SPATA9: variants seen among roughly 807,000 people sequenced by gnomAD.
SPATA9 encodes the protein spermatogenesis-associated protein 9.
Under a neutral mutation model 25.5 loss-of-function variants are expected in SPATA9, and 27 were observed. The observed-to-expected ratio is 1.06, with a 90% confidence interval of 0.78 to 1.46. SPATA9 has a LOEUF of 1.46. Among genes scored for constraint, SPATA9 ranks in the 40% most tolerant of loss-of-function variants. The pLI is 0.00. For missense variants in SPATA9, 282 were observed against 297.5 expected (o/e 0.95, Z 0.38); for synonymous variants, 102 against 105.7 (o/e 0.97, Z 0.21).
the SPATA9 span, among the ~76,000 whole-genome samples, chr5:95,724,382 C>T: frequency 6.6e-6 from 1 of 152,194 alleles, no homozygotes; most frequent in South Asian, 2.1e-4. Context: ...ATGTTTAACA[C>T]ATAGTTTCAG....
At chr5:95,699,550 C>G (rs982757218), upstream of SPATA9, among the ~76,000 whole-genome samples, 1 of 152,054 alleles carries the variant, frequency 6.6e-6, no homozygotes, top group Admixed American at 6.6e-5. Flanking sequence ...AATGCTAACA[C>G]AGTAGCCATA....
At chr5:95,712,892 T>C in the SPATA9 span, among the ~76,000 whole-genome samples, 11 of 149,120 alleles carry the variant, frequency 7.4e-5, no homozygotes, top group Admixed American at 6.1e-4. Context: ...GTTCAGTTTT[T>C]TTAATTGCTT....
chr5:95,662,615 C>T (rs957250462), intron 4 of SPATA9, among the ~76,000 whole-genome samples: 1 of 151,860 alleles, frequency 6.6e-6, no homozygotes, highest in Non-Finnish European at 1.5e-5. Context: ...AGGCAAGTCA[C>T]GGAGTAAGAG....
upstream of SPATA9, among the ~76,000 whole-genome samples, chr5:95,700,563 G>A (rs762698364): frequency 2.6e-5 from 4 of 152,060 alleles, no homozygotes; most frequent in South Asian, 4.2e-4. Flanking sequence ...CTCCCAAAGC[G>A]CTGGGATTAC....
chr5:95,704,352 G>A, the SPATA9 span, among the ~76,000 whole-genome samples: 3 of 152,120 alleles, frequency 2.0e-5, no homozygotes, highest in Non-Finnish European at 4.4e-5. Flanking sequence ...CTAAGGACAC[G>A]TGGCAGACAC....
chr5:95,725,696 C>T, the SPATA9 span, among the ~76,000 whole-genome samples: 1 of 152,166 alleles, frequency 6.6e-6, no homozygotes, highest in East Asian at 1.9e-4. Context: ...TAACCTCTTA[C>T]AGTGCTGTGT....
At chr5:95,716,405 G>C in the SPATA9 span, among the ~76,000 whole-genome samples, 1 of 152,254 alleles carries the variant, frequency 6.6e-6, no homozygotes, top group Non-Finnish European at 1.5e-5. Flanking sequence ...AGACTTTTAA[G>C]ATTTGACTGC....
chr5:95,720,419 G>A, the SPATA9 span, among the ~76,000 whole-genome samples: 77 of 152,288 alleles, frequency 5.1e-4, no homozygotes, highest in African/African-American at 1.7e-3. Context: ...AAAGGACTGA[G>A]GAATTTATAT....
At chr5:95,693,972 G>C (rs1753950194) in intron 1 of SPATA9, among the ~76,000 whole-genome samples, 1 of 152,034 alleles carries the variant, frequency 6.6e-6, no homozygotes, top group African/African-American at 2.4e-5. Context: ...ACCAGCCTGG[G>C]TAACACAGCG....
chr5:95,714,802 G>T, the SPATA9 span, among the ~76,000 whole-genome samples: 6 of 151,188 alleles, frequency 4.0e-5, no homozygotes, highest in African/African-American at 7.3e-5. Context: ...GATGAAATAG[G>T]AAATGGATTC....
At chr5:95,671,530 C>T (rs1752372947) in intron 3 of SPATA9, among the ~76,000 whole-genome samples, 2 of 152,122 alleles carry the variant, frequency 1.3e-5, no homozygotes, top group South Asian at 2.1e-4. Flanking sequence ...CTGCCTCAGC[C>T]TCCTGAGTAG....
intron 3 of SPATA9, among the ~76,000 whole-genome samples, chr5:95,672,826 C>A (rs1752525416): frequency 6.6e-6 from 1 of 152,162 alleles, no homozygotes; most frequent in African/African-American, 2.4e-5. Flanking sequence ...ACAAATTCAA[C>A]TGGAAAGACA....
chr5:95,689,180 C>A (rs949779146), intron 1 of SPATA9, among the ~76,000 whole-genome samples: 1 of 152,172 alleles, frequency 6.6e-6, no homozygotes, highest in Non-Finnish European at 1.5e-5. Context: ...GACCAGAAAA[C>A]AGACACAATA....
chr5:95,678,190 A>G (rs1415632497), intron 2 of SPATA9, among the ~76,000 whole-genome samples: 2 of 152,202 alleles, frequency 1.3e-5, no homozygotes, highest in Admixed American at 1.3e-4. Flanking sequence ...CAGCCTGGCC[A>G]ACCTGGTGAA....
chr5:95,704,767 AG>A, the SPATA9 span, among the ~76,000 whole-genome samples: 1 of 152,266 alleles, frequency 6.6e-6, no homozygotes, highest in South Asian at 2.1e-4. Flanking sequence ...TCCAAGATTG[AG>A]GCACTGACAT....
the SPATA9 span, among the ~76,000 whole-genome samples, chr5:95,718,625 A>G: frequency 6.6e-6 from 1 of 152,234 alleles, no homozygotes. Context: ...ATGAATTTAT[A>G]GTGCCATCAA....
upstream of SPATA9, among the ~76,000 whole-genome samples, chr5:95,687,295 G>A (rs770374535): frequency 6.6e-6 from 1 of 152,134 alleles, no homozygotes; most frequent in Non-Finnish European, 1.5e-5. Context: ...TTATTCTTGT[G>A]ATCCCACTTT....
the SPATA9 span, among the ~76,000 whole-genome samples, chr5:95,715,858 AAGAATTTGTTC>A: frequency 6.6e-6 from 1 of 152,266 alleles, no homozygotes; most frequent in Non-Finnish European, 1.5e-5. Flanking sequence ...AGAATACAGA[AAGAATTTGTTC>A]AGATCAAGAA....
At chr5:95,715,197 G>T in the SPATA9 span, among the ~76,000 whole-genome samples, 2 of 151,960 alleles carry the variant, frequency 1.3e-5, no homozygotes, top group African/African-American at 2.4e-5. Context: ...GGTGGTGCAT[G>T]CCTGTAGTCC....
Sources: gnomAD v4.1 joint callset for allele counts (sites outside exome capture counted in the v4.1 genomes callset) on GRCh38, gnomAD v4.1.1 for gene constraint, MANE v1.5 for transcripts, NCBI Gene and HGNC (gene_info 2026-07-23, HGNC 2026-07-21) for gene names.